UNC79: variants seen among roughly 807,000 people sequenced by gnomAD.
The protein encoded by UNC79 is protein unc-79 homolog.
In UNC79, 37 loss-of-function variants were observed where a neutral mutation model predicts 283.1. The observed-to-expected ratio is 0.13, with a 90% CI of 0.10 to 0.17. The LOEUF is 0.17. UNC79 is among the 10% of genes least tolerant of loss of function. The pLI is 1.00. For synonymous variants in UNC79, 1,107 were observed against 1,200.2 expected (o/e 0.92, Z 1.61); for missense variants, 2,272 against 3,211.1 (o/e 0.71, Z 7.07).
At chr14:93,355,197 T>G (rs974567526) in intron 1 of UNC79, among the ~76,000 whole-genome samples, 1 of 151,278 alleles carries the variant, frequency 6.6e-6, no homozygotes, top group African/African-American at 2.4e-5. Flanking sequence ...GCCCGGCTAG[T>G]TTTTTTTTCC....
intron 30 of UNC79, among the ~76,000 whole-genome samples, chr14:93,624,084 G>A (rs2067352045): frequency 6.6e-6 from 1 of 152,104 alleles, no homozygotes; most frequent in African/African-American, 2.4e-5. Context: ...CAGGTCACAT[G>A]GCCAGACAGA....
intron 5 of UNC79, among the ~76,000 whole-genome samples, chr14:93,489,088 T>C (rs1297543113): frequency 6.6e-6 from 1 of 152,204 alleles, no homozygotes; most frequent in Non-Finnish European, 1.5e-5. Flanking sequence ...ACTACAGGCA[T>C]GTGTTACCAC....
In UNC79 at chr14:93,618,319, A is replaced by G. The variant is rs1478080403; in HGVS notation, c.4352A>G (p.Asn1451Ser). ...ACGGCAGGACCTTTGTACAGTGACA[A>G]CAGTAACATAAGCAGATACAGCGAA... Residue 1451 changes from asparagine (N) to serine (S), a missense_variant, in exon 29 of 49, where the codon AAC (asparagine) becomes AGC (serine). Around this residue, in one of 11 missense-constraint regions of UNC79, gnomAD observed 580 missense variants for 632.2 expected, o/e 0.92. Coordinates refer to ENST00000555664, the Ensembl canonical transcript of UNC79. The G allele has an allele frequency of 2.5e-6, 4 of 1,613,768 alleles. No individual in the cohort carries two copies. The highest frequency in any genetic ancestry group is 3.3e-5 in the Admixed American group (2 of 59,978).
intron 10 of UNC79, 126 bp from the exon 11 acceptor site, chr14:93,532,424 G>A (rs1351440198): frequency 2.7e-6 from 3 of 1,098,906 alleles, no homozygotes; most frequent in African/African-American, 1.6e-5. Context: ...GGGCTATGAT[G>A]GTGCCATTGC....
At chr14:93,676,979 G>C (rs964512988) in intron 41 of UNC79, among the ~76,000 whole-genome samples, 11 of 152,084 alleles carry the variant, frequency 7.2e-5, no homozygotes, top group Admixed American at 3.3e-4. Flanking sequence ...GGGTATTTTG[G>C]AGACATTTTC....
At chr14:93,534,097 G>C (rs2060952734) in intron 11 of UNC79, among the ~76,000 whole-genome samples, 1 of 152,198 alleles carries the variant, frequency 6.6e-6, no homozygotes, top group Admixed American at 6.5e-5. Context: ...TGTTCAAAAA[G>C]AGGAAGGGAA....
rs185268171 is a variant in UNC79 at position 93,482,872 on chromosome 14, C to T, written c.620-4791C>T. On this transcript the variant is annotated intron_variant, in intron 4 of 48. Coordinates refer to ENST00000555664, the Ensembl canonical transcript of UNC79. ...ATCATGCCACTTCCTTCAGCAAAAC[C>T]GTCTAGCTTCCCGTTACTCTTACAA... 9.1e-4 allele frequency among the ~76,000 whole-genome samples: 138 copies of T among 152,268 alleles called. 3 individuals carry two copies. The South Asian group carries it at 0.022, about 24-fold the overall frequency.
At chr14:93,584,515 T>C (rs1023588814) in intron 20 of UNC79, among the ~76,000 whole-genome samples, 2 of 152,132 alleles carry the variant, frequency 1.3e-5, no homozygotes, top group Admixed American at 6.5e-5. Context: ...AGGCCTACAG[T>C]TGTGTTTCTG....
At chr14:93,589,078 G>C (rs1051497289) in intron 22 of UNC79, among the ~76,000 whole-genome samples, 3 of 152,160 alleles carry the variant, frequency 2.0e-5, no homozygotes, top group African/African-American at 7.2e-5. Context: ...CAGCCTGCAC[G>C]AGGAAAGCAG....
chr14:93,537,864 G>T, intron 11 of UNC79, 125 bp from the exon 12 acceptor site: 2 of 882,908 alleles, frequency 2.3e-6, no homozygotes, highest in Non-Finnish European at 3.4e-6. Context: ...CCTGCGCTTT[G>T]GAAACTAGTG....
At chr14:93,503,624 G>A (rs1164387507) in intron 7 of UNC79, among the ~76,000 whole-genome samples, 1 of 151,976 alleles carries the variant, frequency 6.6e-6, no homozygotes, top group Non-Finnish European at 1.5e-5. Context: ...AGTATCTTAT[G>A]ATTATAATTT....
Position 93,533,449 on chromosome 14 carries a change from T to C in UNC79, c.1122+871T>C, listed in dbSNP as rs2060921684. The stretch of plus-strand genomic sequence containing the variant: ...TTTTGATAAATTACTCTAGGCTCAC[T>C]CATGTATTTGCAGTCAGTTGGTGGG... On this transcript the variant is annotated intron_variant, in intron 11 of 48. Transcript: ENST00000555664. Among the ~76,000 whole-genome samples the C allele has an allele frequency of 2.6e-5, 4 of 152,320 alleles. No homozygotes were observed. The South Asian group carries it at 6.2e-4, about 24-fold the overall frequency.
rs1377171758 is a variant in UNC79 at position 93,474,119 on chromosome 14, C to T, written c.174C>T (p.Asn58=). 4 of 1,535,914 alleles carry T rather than the reference C, an allele frequency of 2.6e-6. No homozygotes were observed. The highest frequency in any genetic ancestry group is 1.7e-4 in the Middle Eastern group (1 of 5,986). ...TGTCCCGCACAGGGAAGAAGGAAAA[C>T]CAAGATGCCTCCAATTTGACAGTGC... is the stretch of plus-strand genomic sequence containing the variant. Residue 58 remains asparagine (N), a synonymous_variant, in exon 3 of 49, where the codon AAC becomes AAT. Coordinates refer to ENST00000555664, the Ensembl canonical transcript of UNC79. This position sits in a 1 kb window ranked among gnomAD's most constrained non-coding sequence, Gnocchi z 4.1.
At chr14:93,458,626 C>T (rs1243239529) in intron 1 of UNC79, among the ~76,000 whole-genome samples, 1 of 152,164 alleles carries the variant, frequency 6.6e-6, no homozygotes, top group Non-Finnish European at 1.5e-5. Flanking sequence ...GCATGTTATA[C>T]AAGCAAATTT....
At chr14:93,415,239 A>C (rs1284160728) in intron 1 of UNC79, among the ~76,000 whole-genome samples, 1 of 152,148 alleles carries the variant, frequency 6.6e-6, no homozygotes, top group African/African-American at 2.4e-5. Flanking sequence ...GGGTTGTTGA[A>C]TTTTGTCAAA....
rs188210962 is a variant in UNC79, at chr14:93,643,665, G to A, written c.6012G>A (p.Pro2004=). 166 of 1,612,976 alleles carry A rather than the reference G, an allele frequency of 1.0e-4. 1 individual carries two copies. Among genetic ancestry groups the A allele is most frequent in the Non-Finnish European group, 1.2e-4 (146 of 1,180,022 alleles). Reference sequence around the variant, plus strand: ...ACTTAAGCCCAGACCTGGCAGCCCCGCTGCTGCTGGATATCATGCAGTCTG... The same window carrying A: ...ACTTAAGCCCAGACCTGGCAGCCCCACTGCTGCTGGATATCATGCAGTCTG... The change falls in exon 34 of 49, where the codon CCG becomes CCA. Residue 2004 remains proline, a synonymous_variant. Transcript: ENST00000555664.
intron 18 of UNC79, among the ~76,000 whole-genome samples, chr14:93,579,668 A>G (rs1315436572): frequency 2.6e-5 from 4 of 152,132 alleles, no homozygotes; most frequent in African/African-American, 9.7e-5. Flanking sequence ...ACATCATTCT[A>G]TGAACTCTTC....
intron 1 of UNC79, among the ~76,000 whole-genome samples, chr14:93,376,778 T>C (rs1485207726): frequency 6.6e-6 from 1 of 151,762 alleles, no homozygotes; most frequent in Non-Finnish European, 1.5e-5. Context: ...ACAAAAAATA[T>C]ACTCCTAGGT....
intron 23 of UNC79, among the ~76,000 whole-genome samples, chr14:93,594,792 G>T (rs2064948639): frequency 6.6e-6 from 1 of 152,136 alleles, no homozygotes; most frequent in African/African-American, 2.4e-5. Flanking sequence ...CATTCTCGGG[G>T]TAGCAGGCGG....
Sources: allele counts gnomAD v4.1 joint callset (sites outside exome capture counted in the v4.1 genomes callset), GRCh38; gene constraint gnomAD v4.1.1; regional missense constraint gnomAD v4.1.1; non-coding constraint Gnocchi (gnomAD v3.1); transcripts MANE v1.5; gene names NCBI Gene and HGNC (gene_info 2026-07-23, HGNC 2026-07-21).